PIK3C2B: variants seen among roughly 807,000 people sequenced by gnomAD.
PIK3C2B encodes phosphatidylinositol 4-phosphate 3-kinase C2 domain-containing subunit beta.
In PIK3C2B, 83 loss-of-function variants were observed where a neutral mutation model predicts 184.3. The ratio of observed to expected loss-of-function variants is 0.45; its 90% CI spans 0.38 to 0.54. The LOEUF is 0.54. Among genes scored for constraint, PIK3C2B ranks in the 20% least tolerant of loss-of-function variants. PIK3C2B has a pLI of 0.00. For synonymous variants in PIK3C2B, 779 were observed against 837.6 expected (o/e 0.93, Z 1.21); for missense variants, 1,736 against 2,113.5 (o/e 0.82, Z 3.50).
At chr1:204,437,594 A>G (rs2103476378) in intron 23 of PIK3C2B, among the ~76,000 whole-genome samples, 1 of 152,354 alleles carries the variant, frequency 6.6e-6, no homozygotes, top group South Asian at 2.1e-4. Flanking sequence ...CCGACAGCAA[A>G]GAGCTGAACA....
intron 10 of PIK3C2B, among the ~76,000 whole-genome samples, chr1:204,456,653 T>C (rs1018459111): frequency 1.3e-5 from 2 of 152,016 alleles, no homozygotes; most frequent in African/African-American, 4.8e-5. Context: ...ATCGGAAAGG[T>C]AGCAAGTGTG....
At chr1:204,486,920 G>C (rs1037955368) in intron 1 of PIK3C2B, among the ~76,000 whole-genome samples, 2 of 152,022 alleles carry the variant, frequency 1.3e-5, no homozygotes, top group Non-Finnish European at 2.9e-5. Flanking sequence ...CAATTATCCT[G>C]CCTCAGCCTC....
intron 1 of PIK3C2B, among the ~76,000 whole-genome samples, chr1:204,483,221 A>G (rs931823152): frequency 1.3e-5 from 2 of 152,126 alleles, no homozygotes; most frequent in Non-Finnish European, 2.9e-5. Flanking sequence ...CAGAAGTTTG[A>G]GGCCAGCCTG....
At chr1:204,485,767 T>C (rs1446611770) in intron 1 of PIK3C2B, among the ~76,000 whole-genome samples, 1 of 152,002 alleles carries the variant, frequency 6.6e-6, no homozygotes, top group Non-Finnish European at 1.5e-5. Flanking sequence ...TTGGTAGAGA[T>C]GGGGTTTCAC....
In PIK3C2B at chr1:204,427,634, G is replaced by C. The variant is rs1674817523; in HGVS notation, c.4587+14C>G. ...TTAAAAAAGAAAAAAAATCACGGCT[G>C]TGCAGGCACTTACCAAGCCCCGAAT... On this transcript the variant is annotated intron_variant, in intron 31 of 32. Coordinates refer to ENST00000684373, the MANE Select transcript of PIK3C2B (RefSeq NM_001377334.1). 2 of 1,554,276 alleles carry C rather than the reference G, an allele frequency of 1.3e-6. No individual in the cohort carries two copies. Among genetic ancestry groups the C allele is most frequent in the Non-Finnish European group, 1.8e-6 (2 of 1,125,718 alleles).
At chr1:204,473,940 A>T (rs1263438521) in intron 1 of PIK3C2B, among the ~76,000 whole-genome samples, 1 of 150,892 alleles carries the variant, frequency 6.6e-6, no homozygotes, top group East Asian at 1.9e-4. Context: ...TGCTTCACCT[A>T]ATCTTAACAA....
chr1:204,445,017 C>T (rs1487636081), intron 16 of PIK3C2B, among the ~76,000 whole-genome samples: 1 of 151,938 alleles, frequency 6.6e-6, no homozygotes, highest in Non-Finnish European at 1.5e-5. Flanking sequence ...AAAAGGCAGC[C>T]CTAACAGATC....
intron 10 of PIK3C2B, 75 bp downstream of exon 10, chr1:204,456,962 C>A: frequency 1.6e-6 from 2 of 1,262,906 alleles, no homozygotes; most frequent in Non-Finnish European, 2.2e-6. Context: ...GGGGCCCAGG[C>A]AGAAAAAGGA....
chr1:204,435,321 TTA>T (rs1012891248), intron 23 of PIK3C2B: 8 of 152,136 alleles, frequency 5.3e-5, no homozygotes, highest in African/African-American at 1.9e-4. Context: ...ATCCATCCCC[TTA>T]TCTGTCTTTC....
chr1:204,448,037 T>A (rs1654025400), intron 14 of PIK3C2B, among the ~76,000 whole-genome samples: 2 of 152,230 alleles, frequency 1.3e-5, no homozygotes, highest in African/African-American at 4.8e-5. Flanking sequence ...TTCATCCTAC[T>A]AAAGTATCAG....
chr1:204,481,298 T>G (rs1029776485), intron 1 of PIK3C2B, among the ~76,000 whole-genome samples: 4 of 140,584 alleles, frequency 2.8e-5, no homozygotes, highest in African/African-American at 5.3e-5. Context: ...AGACATAGTC[T>G]CGCTCTGTCG....
At chr1:204,464,692 C>A in intron 3 of PIK3C2B, 88 bp from the exon 4 acceptor site, 1 of 1,281,796 alleles carries the variant, frequency 7.8e-7, no homozygotes. Flanking sequence ...CTCTGAGGCT[C>A]AAGAGCCCCT....
chr1:204,478,403 G>A (rs1656878503), intron 1 of PIK3C2B, among the ~76,000 whole-genome samples: 1 of 152,154 alleles, frequency 6.6e-6, no homozygotes, highest in Non-Finnish European at 1.5e-5. Context: ...TCCTACAGCA[G>A]GGAGGTGTAT....
rs761016789 is a variant in PIK3C2B, at chr1:204,465,326, G to C, written c.934-7C>G. On this transcript the variant is annotated splice_polypyrimidine_tract_variant and splice_region_variant and intron_variant, in intron 2 of 32. Coordinates refer to ENST00000684373, the MANE Select transcript of PIK3C2B (RefSeq NM_001377334.1). ...TGTGGGGCCGGGAGCCCACCTTTAA[G>C]AGAAGAGCAGACGACTCAGTGCCTT... 1 of 1,588,048 alleles carries C rather than the reference G, an allele frequency of 6.3e-7. No individual in the cohort carries two copies. The highest frequency in any genetic ancestry group is 1.1e-5 in the South Asian group (1 of 90,598).
chr1:204,425,401 A>T (rs1333538956), intron 32 of PIK3C2B, among the ~76,000 whole-genome samples: 1 of 152,184 alleles, frequency 6.6e-6, no homozygotes, highest in Non-Finnish European at 1.5e-5. Context: ...ACAGATAGTA[A>T]ATATTTTTAG....
intron 1 of PIK3C2B, among the ~76,000 whole-genome samples, chr1:204,487,687 A>G (rs189850056): frequency 5.3e-5 from 8 of 152,328 alleles, no homozygotes; most frequent in Admixed American, 2.6e-4. Context: ...TCTAGTTTCT[A>G]TAATCTCTAG....
At position 204,483,551 on chromosome 1, in the gene PIK3C2B, G is replaced by A. The variant is rs181368873; in HGVS notation, c.-85+10805C>T. On this transcript the variant is annotated intron_variant, in intron 1 of 32. Coordinates refer to ENST00000684373, the MANE Select transcript of PIK3C2B (RefSeq NM_001377334.1). ...GGAACAAGAGCAACGCTTTTGCTTT[G>A]GATATTAACTGACCATTTTTGCATC... Among the ~76,000 whole-genome samples the A allele has an allele frequency of 3.3e-3, 509 of 152,212 alleles. 1 individual carries two copies. Among genetic ancestry groups the A allele is most frequent in the Non-Finnish European group, 5.4e-3 (370 of 68,014 alleles).
chr1:204,461,571 A>AT (rs1179519499), intron 5 of PIK3C2B, among the ~76,000 whole-genome samples: 1 of 152,170 alleles, frequency 6.6e-6, no homozygotes, highest in East Asian at 1.9e-4. Context: ...GGGGGGCAGT[A>AT]TATGTAAAAG....
intron 5 of PIK3C2B, 75 bp from the exon 6 acceptor site, chr1:204,460,736 G>C: frequency 1.1e-6 from 1 of 912,606 alleles, no homozygotes. Context: ...CTTAGCCTTG[G>C]GGAGAGACAT....
Sources: allele counts gnomAD v4.1 joint callset (sites outside exome capture counted in the v4.1 genomes callset), GRCh38; gene constraint gnomAD v4.1.1; transcripts MANE v1.5; gene names NCBI Gene and HGNC (gene_info 2026-07-23, HGNC 2026-07-21).